The following MPP7 variants were observed in gnomAD, a reference collection of about 807,000 sequenced individuals.
MPP7 encodes MAGUK p55 subfamily member 7.
A neutral mutation model predicts 76.5 loss-of-function variants in MPP7; 60 were observed. The observed-to-expected ratio is 0.78, with a 90% CI of 0.64 to 0.97. The LOEUF is 0.97. MPP7 is among the 50% of genes least tolerant of loss of function. The probability of loss-of-function intolerance (pLI) is 0.00; values close to 1 mark genes in which losing one functional copy is unlikely to be tolerated. For synonymous variants in MPP7, 237 were observed against 244.5 expected (o/e 0.97, Z 0.29); for missense variants, 641 against 694.0 (o/e 0.92, Z 0.86).
chr10:28,194,219 T>A (rs1837505520), intron 3 of MPP7, among the ~76,000 whole-genome samples: 1 of 152,122 alleles, frequency 6.6e-6, no homozygotes, highest in African/African-American at 2.4e-5. Context: ...TTTCACCATG[T>A]TGGCCAGAAT....
chr10:28,293,502 T>C (rs1013821820), intron 1 of MPP7, among the ~76,000 whole-genome samples: 2 of 152,230 alleles, frequency 1.3e-5, no homozygotes, highest in Non-Finnish European at 2.9e-5. Flanking sequence ...AAGGGAATTA[T>C]GCATATGCCA....
intron 6 of MPP7, 139 bp downstream of exon 6, chr10:28,131,421 G>A: frequency 1.5e-6 from 1 of 673,120 alleles, no homozygotes; most frequent in Non-Finnish European, 2.1e-6. Context: ...TCAAAAGCAT[G>A]TTCTTTAGAC....
rs1004461658 is a variant in MPP7, at chr10:28,118,084, G to C, written c.952+1567C>G. The C allele has an allele frequency of 1.5e-5, 14 of 959,510 alleles. No individual in the cohort carries two copies. In the African/African-American group the frequency reaches 2.3e-4, roughly 16 times the overall value. The allele number at this position is 959,510 out of a possible 1,614,324, so 59.4% of individuals were successfully genotyped here. ...TAAATGCTAGAATAAATATTTATCA[G>C]ATCCAAATATTGAAGTATTAACATA... On this transcript the variant is annotated intron_variant, in intron 11 of 16. Transcript: ENST00000683449.
intron 11 of MPP7, among the ~76,000 whole-genome samples, chr10:28,108,399 A>C (rs1834392478): frequency 6.6e-6 from 1 of 152,168 alleles, no homozygotes. Flanking sequence ...TCATGCCTAT[A>C]ATCTCAGCAC....
intron 12 of MPP7, among the ~76,000 whole-genome samples, chr10:28,089,027 T>C (rs7914592): frequency 0.34 from 51,188 of 151,904 alleles, 11,763 homozygotes; most frequent in East Asian, 0.95. Context: ...AGGACTGTGC[T>C]ACCACGCCTG....
At chr10:28,264,054 TG>T (rs1478507518) in intron 1 of MPP7, among the ~76,000 whole-genome samples, 1 of 152,098 alleles carries the variant, frequency 6.6e-6, no homozygotes, top group Admixed American at 6.6e-5. Context: ...CCCAGCACTT[TG>T]GGAGGCCGAG....
intron 2 of MPP7, among the ~76,000 whole-genome samples, chr10:28,212,150 A>G (rs1838159371): frequency 6.6e-6 from 1 of 151,828 alleles, no homozygotes; most frequent in African/African-American, 2.4e-5. Context: ...TGAATGCATC[A>G]CTCTGGCTGC....
At position 28,228,415 on chromosome 10, in the gene MPP7, A is replaced by C. The variant is rs117678902; in HGVS notation, c.37+10153T>G. 2.2e-3 allele frequency among the ~76,000 whole-genome samples: 333 copies of C among 152,288 alleles called. 4 individuals carry two copies. The highest frequency in any genetic ancestry group is 0.016 in the Admixed American group (243 of 15,290). ...GAGGTTAACGAGACTTCCCTAAGCA[A>C]ACTGATCTATAGTGCAAACAACTTG... On this transcript the variant is annotated intron_variant, in intron 2 of 16. Coordinates refer to ENST00000683449, the MANE Select transcript of MPP7 (RefSeq NM_001318170.2).
intron 11 of MPP7, among the ~76,000 whole-genome samples, chr10:28,100,824 T>C (rs185209208): frequency 3.3e-5 from 5 of 152,202 alleles, no homozygotes; most frequent in Admixed American, 2.6e-4. Flanking sequence ...ACTTAGGTCT[T>C]TAAAAGTTTT....
chr10:28,063,020 C>T (rs1313593687), intron 13 of MPP7, among the ~76,000 whole-genome samples: 1 of 151,872 alleles, frequency 6.6e-6, no homozygotes, highest in African/African-American at 2.4e-5. Flanking sequence ...AACACTTTTG[C>T]TTTTTAAAAG....
chr10:28,054,648 G>A (rs184772823), intron 16 of MPP7, among the ~76,000 whole-genome samples: 134 of 152,190 alleles, frequency 8.8e-4, no homozygotes, highest in Non-Finnish European at 1.4e-3. Context: ...TTCAGAGTTG[G>A]ACAAATTTGT....
chr10:28,123,885 A>G (rs1466067829), intron 8 of MPP7, 146 bp downstream of exon 8: 2 of 609,732 alleles, frequency 3.3e-6, no homozygotes, highest in African/African-American at 1.9e-5. Flanking sequence ...AGATTAAGAT[A>G]TTTTCCAAGA....
chr10:28,259,933 T>C (rs1249817305), intron 1 of MPP7, among the ~76,000 whole-genome samples: 1 of 148,246 alleles, frequency 6.7e-6, no homozygotes, highest in Non-Finnish European at 1.5e-5. Context: ...CAGTGAGCCA[T>C]GATTGTGCCA....
intron 10 of MPP7, among the ~76,000 whole-genome samples, 200 bp from the exon 11 acceptor site, chr10:28,119,915 C>CTT (rs944964399): frequency 6.7e-6 from 1 of 149,162 alleles, no homozygotes; most frequent in African/African-American, 2.5e-5. Flanking sequence ...AACCACTGGT[C>CTT]TTTTTTTTTT....
intron 11 of MPP7, among the ~76,000 whole-genome samples, chr10:28,109,757 G>C (rs1485469195): frequency 7.0e-6 from 1 of 143,866 alleles, no homozygotes; most frequent in Non-Finnish European, 1.5e-5. Flanking sequence ...GTTGTTACCA[G>C]CATAGTCAGC....
intron 2 of MPP7, among the ~76,000 whole-genome samples, chr10:28,220,145 A>G (rs1448901260): frequency 6.6e-6 from 1 of 151,602 alleles, no homozygotes; most frequent in Non-Finnish European, 1.5e-5. Context: ...ACAGGGGAAC[A>G]TGCATACAAC....
intron 15 of MPP7, 101 bp from the exon 16 acceptor site, chr10:28,056,724 T>A (rs988518154): frequency 6.1e-5 from 59 of 964,822 alleles, no homozygotes; most frequent in Non-Finnish European, 8.4e-5. Context: ...TTCTTTAAGG[T>A]CAGTAGTCAT....
intron 3 of MPP7, among the ~76,000 whole-genome samples, chr10:28,178,069 T>C (rs1307358529): frequency 6.6e-6 from 1 of 152,146 alleles, no homozygotes; most frequent in African/African-American, 2.4e-5. Flanking sequence ...CCTTTCCCTC[T>C]GAAGCAGAGT....
At chr10:28,303,704 T>C (rs140583399), upstream of MPP7, among the ~76,000 whole-genome samples, 1 of 152,298 alleles carries the variant, frequency 6.6e-6, no homozygotes, top group African/African-American at 2.4e-5. Context: ...GTGCGGAGAA[T>C]GGTAAAGACA....
Sources: allele counts gnomAD v4.1 joint callset (sites outside exome capture counted in the v4.1 genomes callset), GRCh38; gene constraint gnomAD v4.1.1; transcripts MANE v1.5; gene names NCBI Gene and HGNC (gene_info 2026-07-23, HGNC 2026-07-21).